Variants in ZBBX observed in about 807,000 individuals in gnomAD.
ZBBX encodes zinc finger B-box domain containing, also known as zinc finger B-box domain-containing protein 1.
In ZBBX, 101 loss-of-function variants were observed where a neutral mutation model predicts 108.5. That is an observed-to-expected ratio of 0.93 (90% confidence interval 0.79 to 1.10). The LOEUF (loss-of-function observed/expected upper bound fraction) is 1.10, where lower values mean the gene tolerates loss of function less well. Ranked by LOEUF, ZBBX falls within the 50% of genes least tolerant of loss-of-function variation. The pLI, the probability that ZBBX is intolerant of heterozygous loss-of-function variation, is 0.00. For missense variants in ZBBX, 1,009 were observed against 941.4 expected (o/e 1.07, Z -0.94); for synonymous variants, 356 against 323.4 (o/e 1.10, Z -1.08).
intron 4 of ZBBX, among the ~76,000 whole-genome samples, chr3:167,371,104 G>C (rs1319400514): frequency 6.6e-6 from 1 of 152,174 alleles, no homozygotes; most frequent in Non-Finnish European, 1.5e-5. Context: ...GGTAATTACT[G>C]TGAGTGGGTA....
the ZBBX span, among the ~76,000 whole-genome samples, chr3:167,231,369 T>C: frequency 6.6e-6 from 1 of 151,766 alleles, no homozygotes; most frequent in East Asian, 1.9e-4. Flanking sequence ...GAGAGCGTGG[T>C]GTCCTTAAGA....
intron 16 of ZBBX, among the ~76,000 whole-genome samples, chr3:167,307,386 C>T (rs774902314): frequency 7.2e-5 from 11 of 152,126 alleles, no homozygotes; most frequent in Non-Finnish European, 1.2e-4. Flanking sequence ...ATAGCTTAAG[C>T]CCAGAAGCTT....
At chr3:167,200,174 AC>A in the ZBBX span, among the ~76,000 whole-genome samples, 1 of 151,784 alleles carries the variant, frequency 6.6e-6, no homozygotes, top group African/African-American at 2.4e-5. Context: ...ATCTGCAAAG[AC>A]CCATTTCCAA....
intron 8 of ZBBX, among the ~76,000 whole-genome samples, chr3:167,356,573 G>A (rs1235441043): frequency 6.6e-6 from 1 of 152,022 alleles, no homozygotes; most frequent in East Asian, 1.9e-4. Flanking sequence ...ATTTAAAATT[G>A]CAAATGATGC....
At chr3:167,307,880 A>G (rs951252130) in intron 16 of ZBBX, among the ~76,000 whole-genome samples, 3 of 152,206 alleles carry the variant, frequency 2.0e-5, no homozygotes, top group Admixed American at 6.6e-5. Context: ...AATCTAGGCA[A>G]TAACATTCAG....
At chr3:167,357,571 A>G (rs1473874709) in intron 8 of ZBBX, among the ~76,000 whole-genome samples, 1 of 152,140 alleles carries the variant, frequency 6.6e-6, no homozygotes, top group African/African-American at 2.4e-5. Flanking sequence ...TCATAGCAGC[A>G]TTACTCACAA....
At chr3:167,249,088 A>C (rs1356802524) in intron 20 of ZBBX, among the ~76,000 whole-genome samples, 1 of 152,246 alleles carries the variant, frequency 6.6e-6, no homozygotes, top group African/African-American at 2.4e-5. Context: ...ATTCTGAACC[A>C]CTAGGACTGC....
At chr3:167,407,817 T>A (rs137975456) in exon 1 of ZBBX, among the ~76,000 whole-genome samples, 1,720 of 152,152 alleles carry the variant, frequency 0.011, 38 homozygotes, top group South Asian at 0.082. Flanking sequence ...CGCAGTCGAC[T>A]CTGTGTTGCT....
chr3:167,376,571 T>A (rs1374835865), intron 2 of ZBBX, among the ~76,000 whole-genome samples: 1 of 152,232 alleles, frequency 6.6e-6, no homozygotes, highest in Non-Finnish European at 1.5e-5. Flanking sequence ...TGTATGTACA[T>A]ATATAAAGCT....
rs372347993 is a variant in ZBBX at position 167,360,655 on chromosome 3, C to T, written c.322+20G>A. 1.1e-5 allele frequency: 14 copies of T among 1,312,274 alleles called. No homozygotes were observed. Among genetic ancestry groups the T allele is most frequent in the African/African-American group, 1.5e-5 (1 of 65,348 alleles). 81.3% of individuals were successfully genotyped at this position (1,312,274 alleles called of 1,614,324 possible). The stretch of plus-strand genomic sequence containing the variant: ...AAGGGATGTCTTTAGCATTTATTAA[C>T]ATGGTGATAAATTATTTACCTTGAA... On this transcript the variant is annotated intron_variant, in intron 7 of 21. Coordinates refer to ENST00000675490, the MANE Select transcript of ZBBX (RefSeq NM_001199201.2).
chr3:167,218,026 AGCCACCACACCCG>A, the ZBBX span, among the ~76,000 whole-genome samples: 1 of 151,928 alleles, frequency 6.6e-6, no homozygotes, highest in East Asian at 1.9e-4. Context: ...TACAGGCATG[AGCCACCACACCCG>A]GCCCCTTTCT....
intron 20 of ZBBX, among the ~76,000 whole-genome samples, chr3:167,261,934 A>C (rs10936524): frequency 0.82 from 124,221 of 152,144 alleles, 51,088 homozygotes; most frequent in African/African-American, 0.92. Flanking sequence ...TTTGCTTATC[A>C]CTGTGTAGTT....
At chr3:167,317,928 G>C (rs1211472056) in intron 12 of ZBBX, among the ~76,000 whole-genome samples, 1 of 151,996 alleles carries the variant, frequency 6.6e-6, no homozygotes, top group East Asian at 1.9e-4. Context: ...TACTTAAAAA[G>C]CTAATTTATG....
chr3:167,376,792 T>C (rs1747031682), intron 2 of ZBBX, among the ~76,000 whole-genome samples: 1 of 152,200 alleles, frequency 6.6e-6, no homozygotes, highest in Admixed American at 6.5e-5. Flanking sequence ...ATAAGCTAAT[T>C]TCCTTGTATG....
chr3:167,326,985 A>G (rs951749179), intron 11 of ZBBX, among the ~76,000 whole-genome samples: 2 of 151,994 alleles, frequency 1.3e-5, no homozygotes, highest in African/African-American at 2.4e-5. Context: ...ATTAAATGAA[A>G]AGCAATTGGA....
intron 9 of ZBBX, among the ~76,000 whole-genome samples, chr3:167,343,748 G>T (rs1442963558): frequency 6.6e-6 from 1 of 151,892 alleles, no homozygotes; most frequent in East Asian, 1.9e-4. Flanking sequence ...AGAGAAATCA[G>T]AACTCTTGTA....
the ZBBX span, among the ~76,000 whole-genome samples, chr3:167,203,919 A>C: frequency 2.2e-3 from 337 of 152,282 alleles, 2 homozygotes; most frequent in Non-Finnish European, 4.3e-3. Context: ...ACACAGACTA[A>C]GTCTTATTCA....
chr3:167,406,439 A>C (rs1748589249), intron 1 of ZBBX, among the ~76,000 whole-genome samples: 1 of 152,104 alleles, frequency 6.6e-6, no homozygotes, highest in South Asian at 2.1e-4. Flanking sequence ...AGATATTTCC[A>C]GCTGGGTACA....
At chr3:167,387,046 A>G (rs1747942291) in intron 1 of ZBBX, among the ~76,000 whole-genome samples, 2 of 152,004 alleles carry the variant, frequency 1.3e-5, no homozygotes, top group African/African-American at 4.8e-5. Flanking sequence ...ATTTGTCACA[A>G]CTTTGTCCAT....
Sources: allele counts gnomAD v4.1 joint callset (sites outside exome capture counted in the v4.1 genomes callset), GRCh38; gene constraint gnomAD v4.1.1; transcripts MANE v1.5; gene names NCBI Gene and HGNC (gene_info 2026-07-23, HGNC 2026-07-21).